Variants in LRFN5 observed in about 807,000 individuals in gnomAD.
LRFN5 encodes leucine rich repeat and fibronectin type III domain containing 5.
Under a neutral mutation model 45.6 loss-of-function variants are expected in LRFN5, and 24 were observed. The observed-to-expected ratio is 0.53, with a 90% confidence interval of 0.38 to 0.74. The LOEUF is 0.74. Ranked by LOEUF, LRFN5 falls within the 30% of genes least tolerant of loss-of-function variation. The probability of loss-of-function intolerance (pLI) is 0.00; values close to 1 mark genes in which losing one functional copy is unlikely to be tolerated. For synonymous variants in LRFN5, 340 were observed against 313.8 expected (o/e 1.08, Z -0.88); for missense variants, 776 against 861.5 (o/e 0.90, Z 1.24).
chr14:41,785,995 T>C (rs1566440397), intron 2 of LRFN5, among the ~76,000 whole-genome samples: 1 of 151,932 alleles, frequency 6.6e-6, no homozygotes, highest in Admixed American at 6.6e-5. Flanking sequence ...AACAGGCCAC[T>C]GACTGGCATT....
chr14:41,879,545 A>G (rs1890302040), intron 2 of LRFN5, among the ~76,000 whole-genome samples: 1 of 151,228 alleles, frequency 6.6e-6, no homozygotes, highest in Non-Finnish European at 1.5e-5. Context: ...ATTGTTATAT[A>G]TAAAATTATA....
At chr14:41,688,180 G>T (rs1191279958) in intron 1 of LRFN5, among the ~76,000 whole-genome samples, 2 of 152,132 alleles carry the variant, frequency 1.3e-5, no homozygotes, top group Non-Finnish European at 2.9e-5. Context: ...GGTAGTTGGT[G>T]GGTGGGTATG....
intron 2 of LRFN5, among the ~76,000 whole-genome samples, chr14:41,829,315 G>A (rs1382777455): frequency 6.6e-6 from 1 of 151,814 alleles, no homozygotes; most frequent in Non-Finnish European, 1.5e-5. Context: ...TACATTAAAT[G>A]TCAATATTAA....
chr14:41,845,041 C>G (rs1196434455), intron 2 of LRFN5, among the ~76,000 whole-genome samples: 1 of 151,932 alleles, frequency 6.6e-6, no homozygotes, highest in Admixed American at 6.6e-5. Context: ...GAAATTCTAC[C>G]TCTAGATTAT....
chr14:41,739,241 C>G (rs1449575062), intron 1 of LRFN5, among the ~76,000 whole-genome samples: 1 of 152,036 alleles, frequency 6.6e-6, no homozygotes, highest in African/African-American at 2.4e-5. Flanking sequence ...AAAAATAAGC[C>G]AGGCATGGTG....
In LRFN5 at chr14:41,904,431, C is replaced by A. The variant is rs935391599; in HGVS notation, c.*256C>A. The stretch of plus-strand genomic sequence containing the variant: ...TTTTTTTTTAAAAAAGAAAAAAAGC[C>A]TACATTGGCATCAAGTTCTGTATCA... On this transcript the variant is annotated 3_prime_UTR_variant, in exon 6 of 6. Coordinates refer to ENST00000298119, the MANE Select transcript of LRFN5 (RefSeq NM_152447.5). 2.1e-5 allele frequency: 9 copies of A among 421,136 alleles called. No individual in the cohort carries two copies. Among genetic ancestry groups the A allele is most frequent in the Non-Finnish European group, 1.7e-5 (4 of 239,050 alleles). The allele number at this position is 421,136 out of a possible 1,614,324, so 26.1% of individuals were successfully genotyped here.
intron 2 of LRFN5, among the ~76,000 whole-genome samples, chr14:41,808,362 GAA>G: frequency 8.6e-6 from 1 of 116,820 alleles, no homozygotes; most frequent in Admixed American, 8.8e-5. Flanking sequence ...AGGAAGGAAG[GAA>G]GGAAGGAAGG....
intron 1 of LRFN5, among the ~76,000 whole-genome samples, chr14:41,759,947 GA>G (rs948488948): frequency 2.0e-5 from 3 of 152,292 alleles, no homozygotes; most frequent in Admixed American, 6.5e-5. Flanking sequence ...TGCAGTCGTG[GA>G]AATAACACAG....
chr14:41,716,328 A>G (rs1242029497), intron 1 of LRFN5, among the ~76,000 whole-genome samples: 1 of 152,098 alleles, frequency 6.6e-6, no homozygotes, highest in Non-Finnish European at 1.5e-5. Flanking sequence ...TCAGAAAATG[A>G]TATTTTCTTT....
intron 1 of LRFN5, among the ~76,000 whole-genome samples, chr14:41,643,175 T>A (rs1263685969): frequency 1.3e-5 from 2 of 152,170 alleles, no homozygotes; most frequent in African/African-American, 2.4e-5. Flanking sequence ...AGGTAGATAT[T>A]CTGTGGTTCT....
intron 1 of LRFN5, among the ~76,000 whole-genome samples, chr14:41,611,446 A>G (rs1887752454): frequency 6.6e-6 from 1 of 152,168 alleles, no homozygotes; most frequent in African/African-American, 2.4e-5. Context: ...TGGTTCATTG[A>G]TGAGTTAACA....
At chr14:41,615,415 T>G (rs1222128656) in intron 1 of LRFN5, among the ~76,000 whole-genome samples, 1 of 152,156 alleles carries the variant, frequency 6.6e-6, no homozygotes, top group East Asian at 1.9e-4. Context: ...ACAATTGCTG[T>G]GCTTATGACT....
At chr14:41,804,707 G>A (rs200403567) in intron 2 of LRFN5, among the ~76,000 whole-genome samples, 1 of 152,088 alleles carries the variant, frequency 6.6e-6, no homozygotes, top group Non-Finnish European at 1.5e-5. Flanking sequence ...GATGGAGGTT[G>A]GTTAGATCAG....
At chr14:41,868,874 A>T (rs1227413428) in intron 2 of LRFN5, among the ~76,000 whole-genome samples, 2 of 152,184 alleles carry the variant, frequency 1.3e-5, no homozygotes, top group African/African-American at 2.4e-5. Context: ...GAAATTGAAC[A>T]TGCCAGTACC....
intron 2 of LRFN5, among the ~76,000 whole-genome samples, chr14:41,792,186 TG>T (rs1886946484): frequency 6.6e-6 from 1 of 151,752 alleles, no homozygotes; most frequent in Non-Finnish European, 1.5e-5. Context: ...CAAAAGGGGA[TG>T]GGGTGTAAAG....
At chr14:41,758,458 G>A (rs1376827319) in intron 1 of LRFN5, among the ~76,000 whole-genome samples, 1 of 152,044 alleles carries the variant, frequency 6.6e-6, no homozygotes, top group Non-Finnish European at 1.5e-5. Flanking sequence ...TCTTTACTTT[G>A]GCTTTACTGT....
intron 2 of LRFN5, among the ~76,000 whole-genome samples, chr14:41,843,542 T>G (rs1042924858): frequency 2.6e-5 from 4 of 152,178 alleles, no homozygotes; most frequent in African/African-American, 9.6e-5. Flanking sequence ...CTAAAAACTT[T>G]GTAGAAGCTT....
At chr14:41,712,652 A>G (rs560122988) in intron 1 of LRFN5, among the ~76,000 whole-genome samples, 1 of 152,308 alleles carries the variant, frequency 6.6e-6, no homozygotes, top group South Asian at 2.1e-4. Flanking sequence ...CAATTTTTAT[A>G]TAACCTAAGC....
intron 1 of LRFN5, among the ~76,000 whole-genome samples, chr14:41,726,568 C>T (rs1883943478): frequency 6.6e-6 from 1 of 152,090 alleles, no homozygotes; most frequent in Non-Finnish European, 1.5e-5. Context: ...CCCATATGAA[C>T]AGTAGTCTGT....
Sources: allele counts gnomAD v4.1 joint callset (sites outside exome capture counted in the v4.1 genomes callset), GRCh38; gene constraint gnomAD v4.1.1; transcripts MANE v1.5; gene names NCBI Gene and HGNC (gene_info 2026-07-23, HGNC 2026-07-21).